GOLIM4: variants seen among roughly 807,000 people sequenced by gnomAD.
GOLIM4 encodes 130 kDa golgi-localized phosphoprotein.
A neutral mutation model predicts 107.4 loss-of-function variants in GOLIM4; 71 were observed. That is an observed-to-expected ratio of 0.66 (90% confidence interval 0.55 to 0.81). The LOEUF is 0.81. Ranked by LOEUF, GOLIM4 falls within the 30% of genes least tolerant of loss-of-function variation. The pLI, the probability that GOLIM4 is intolerant of heterozygous loss-of-function variation, is 0.00. For missense variants in GOLIM4, 830 were observed against 826.1 expected (o/e 1.00, Z -0.06); for synonymous variants, 327 against 294.8 (o/e 1.11, Z -1.12).
chr3:168,018,246 G>A (rs1033881363), intron 14 of GOLIM4, among the ~76,000 whole-genome samples: 3 of 152,074 alleles, frequency 2.0e-5, no homozygotes, highest in Admixed American at 6.6e-5. Flanking sequence ...AATGAACAAC[G>A]GAAGAAAAGT....
At chr3:168,088,018 T>C (rs1454659929) in intron 1 of GOLIM4, among the ~76,000 whole-genome samples, 1 of 152,200 alleles carries the variant, frequency 6.6e-6, no homozygotes, top group East Asian at 1.9e-4. Context: ...TAAAGCTATA[T>C]GATATATAAC....
At position 168,024,830 on chromosome 3, in the gene GOLIM4, C is replaced by T. The variant is rs550044391; in HGVS notation, c.1791+98G>A. On this transcript the variant is annotated intron_variant, in intron 13 of 15. Coordinates refer to ENST00000470487, the MANE Select transcript of GOLIM4 (RefSeq NM_014498.5). ...GCCTAAAAACCACCGAAGTGGCAAACCTTCCGTCAATGTGGAATATGACTA... is the reference window on the plus strand; with the variant it reads ...GCCTAAAAACCACCGAAGTGGCAAATCTTCCGTCAATGTGGAATATGACTA... The T allele has an allele frequency of 5.4e-5, 68 of 1,269,654 alleles. No homozygotes were observed. The South Asian group carries it at 5.4e-4, about 10-fold the overall frequency. 78.6% of individuals were successfully genotyped at this position (1,269,654 alleles called of 1,614,324 possible).
intron 14 of GOLIM4, among the ~76,000 whole-genome samples, chr3:168,019,473 T>C (rs1717564053): frequency 6.6e-6 from 1 of 152,186 alleles, no homozygotes; most frequent in African/African-American, 2.4e-5. Flanking sequence ...CATCCATACT[T>C]ACATTTTTAT....
Position 168,026,059 on chromosome 3 carries a change from T to C in GOLIM4, c.1624-964A>G, listed in dbSNP as rs367687463. 9.8e-5 allele frequency among the ~76,000 whole-genome samples: 15 copies of C among 152,324 alleles called. No individual in the cohort carries two copies. The South Asian group carries it at 3.1e-3, about 32-fold the overall frequency. ...GAGTAGGATTTGGTCTCTATCAGTATTCTCCAGACAAGATTCTACTTCAAT... is the reference window on the plus strand; with the variant it reads ...GAGTAGGATTTGGTCTCTATCAGTACTCTCCAGACAAGATTCTACTTCAAT... On this transcript the variant is annotated intron_variant, in intron 12 of 15. Transcript: ENST00000470487.
At chr3:168,083,692 G>A (rs949762820) in intron 1 of GOLIM4, among the ~76,000 whole-genome samples, 1 of 152,166 alleles carries the variant, frequency 6.6e-6, no homozygotes, top group African/African-American at 2.4e-5. Flanking sequence ...CCCAGCAAGT[G>A]CTCAATGAAT....
In GOLIM4 at chr3:168,031,468, T is replaced by A. The variant is rs1247981202; in HGVS notation, c.1176+1052A>T. On this transcript the variant is annotated intron_variant, in intron 9 of 15. Coordinates refer to ENST00000470487, the MANE Select transcript of GOLIM4 (RefSeq NM_014498.5). The stretch of plus-strand genomic sequence containing the variant: ...CGCCCATACTCTGAAAATATATACA[T>A]ATATTATGCATCAATAAAAAGTGTC... Among the ~76,000 whole-genome samples the A allele has an allele frequency of 3.9e-5, 6 of 152,194 alleles. No homozygotes were observed. In the East Asian group the frequency reaches 1.2e-3, roughly 29 times the overall value.
chr3:168,076,649 C>T (rs1365370063), intron 1 of GOLIM4, among the ~76,000 whole-genome samples: 2 of 152,158 alleles, frequency 1.3e-5, no homozygotes, highest in Non-Finnish European at 2.9e-5. Context: ...CAAGATTGCA[C>T]CACTACACTC....
intron 1 of GOLIM4, among the ~76,000 whole-genome samples, chr3:168,070,987 A>G (rs1014513071): frequency 6.6e-6 from 1 of 152,114 alleles, no homozygotes; most frequent in South Asian, 2.1e-4. Context: ...TTTTTTGTCT[A>G]TTCTACAAGC....
chr3:168,025,619 A>G (rs915513465), intron 12 of GOLIM4, among the ~76,000 whole-genome samples: 1 of 152,194 alleles, frequency 6.6e-6, no homozygotes, highest in Non-Finnish European at 1.5e-5. Context: ...AGACAAGAAA[A>G]AGGCTAATTC....
chr3:168,011,306 A>T lies in GOLIM4; in HGVS notation c.1861-483T>A, dbSNP rs191704330. ...CGGACGGCACCTGGAAAATCGCGTC[A>T]CTCCCACCCAAATACTGCGCTTTTC... On this transcript the variant is annotated intron_variant, in intron 14 of 15. Coordinates refer to ENST00000470487, the MANE Select transcript of GOLIM4 (RefSeq NM_014498.5). Among the ~76,000 whole-genome samples the T allele has an allele frequency of 2.6e-5, 4 of 152,098 alleles. No homozygotes were observed. In the East Asian group the frequency reaches 7.7e-4, roughly 29 times the overall value.
chr3:168,080,573 C>T (rs778571598), intron 1 of GOLIM4, among the ~76,000 whole-genome samples: 4 of 152,208 alleles, frequency 2.6e-5, no homozygotes, highest in Non-Finnish European at 4.4e-5. Flanking sequence ...CATTGATAAA[C>T]TAAAAATGTT....
rs372724442 is a variant in GOLIM4, at chr3:168,043,499, T to C, written c.397A>G (p.Ser133Gly). ...SQHEELKKQH[S>G]DLEEEHRKQG... is the part of the protein sequence containing the mutation. ...TTGCGATGTTCCTCTTCCAAGTCAC[T>C]GTGCTGTTTCTTTAGCTCCTCGTGT... The change falls in exon 5 of 16, where the codon AGT becomes GGT. Residue 133 changes from serine (S) to glycine (G), a missense_variant. Ser to Gly is a moderately conservative substitution (Grantham distance 56). Coordinates refer to ENST00000470487, the MANE Select transcript of GOLIM4 (RefSeq NM_014498.5). The C allele has an allele frequency of 2.3e-5, 37 of 1,612,738 alleles. No homozygotes were observed. The highest frequency in any genetic ancestry group is 2.9e-5 in the Non-Finnish European group (34 of 1,179,648).
intron 5 of GOLIM4, 66 bp downstream of exon 5, chr3:168,043,312 AG>A: frequency 9.2e-7 from 1 of 1,086,886 alleles, no homozygotes; most frequent in Admixed American, 2.2e-5. Flanking sequence ...AACAGTCTAC[AG>A]TTGCACTGAA....
Position 168,010,736 on chromosome 3 carries a change from G to A in GOLIM4, c.1941+7C>T, listed in dbSNP as rs1287944782. The A allele has an allele frequency of 6.3e-7, 1 of 1,583,398 alleles. No homozygotes were observed. Among genetic ancestry groups the A allele is most frequent in the Non-Finnish European group, 8.7e-7 (1 of 1,152,750 alleles). On this transcript the variant is annotated splice_region_variant and intron_variant, in intron 15 of 15. Coordinates refer to ENST00000470487, the MANE Select transcript of GOLIM4 (RefSeq NM_014498.5). ...GTGCTCAATAGAAATATGTATCCCG[G>A]TCATACATTTTCATCATTTTCACCA...
intron 14 of GOLIM4, among the ~76,000 whole-genome samples, chr3:168,023,742 T>C (rs538674469): frequency 6.6e-6 from 1 of 152,318 alleles, no homozygotes; most frequent in East Asian, 1.9e-4. Flanking sequence ...TTGGCCTAAT[T>C]TGTATCAGAC....
intron 1 of GOLIM4, among the ~76,000 whole-genome samples, chr3:168,051,313 AC>A (rs1162249842): frequency 1.3e-5 from 2 of 152,146 alleles, no homozygotes. Context: ...GGCCCAAAGT[AC>A]CCATTTATCA....
chr3:168,032,102 T>C (rs1415820898), intron 9 of GOLIM4, among the ~76,000 whole-genome samples: 1 of 152,122 alleles, frequency 6.6e-6, no homozygotes. Flanking sequence ...AAAGGCAACA[T>C]ACTGACAATA....
At chr3:168,037,065 C>A in intron 7 of GOLIM4, 71 bp from the exon 8 acceptor site, 1 of 696,980 alleles carries the variant, frequency 1.4e-6, no homozygotes. Flanking sequence ...TTTGGGTACA[C>A]TGTAAAACTA....
intron 7 of GOLIM4, among the ~76,000 whole-genome samples, chr3:168,039,552 C>T (rs1484056616): frequency 3.9e-5 from 6 of 152,136 alleles, no homozygotes; most frequent in African/African-American, 9.7e-5. Context: ...GCATGAGCCA[C>T]GGTGCCCGGC....
Sources: gnomAD v4.1 joint callset for allele counts (sites outside exome capture counted in the v4.1 genomes callset) on GRCh38, gnomAD v4.1.1 for gene constraint, MANE v1.5 for transcripts, NCBI Gene and HGNC (gene_info 2026-07-23, HGNC 2026-07-21) for gene names.